The following LYPLAL1 variants were observed in gnomAD, a reference collection of about 807,000 sequenced individuals.
LYPLAL1 encodes the protein lysophospholipase like 1.
In LYPLAL1, 23 loss-of-function variants were observed where a neutral mutation model predicts 19.7. The ratio of observed to expected loss-of-function variants is 1.17; its 90% CI spans 0.84 to 1.65. LYPLAL1 has a LOEUF of 1.65. Ranked by LOEUF, LYPLAL1 falls within the 40% of genes most tolerant of loss-of-function variation. The probability of loss-of-function intolerance (pLI) is 0.00; values close to 1 mark genes in which losing one functional copy is unlikely to be tolerated. For synonymous variants in LYPLAL1, 119 were observed against 96.3 expected (o/e 1.24, Z -1.38); for missense variants, 355 against 279.4 (o/e 1.27, Z -1.93).
chr1:219,367,243 A>G, the LYPLAL1 span, among the ~76,000 whole-genome samples: 133 of 152,300 alleles, frequency 8.7e-4, 1 homozygote, highest in African/African-American at 3.0e-3. Flanking sequence ...TATATTTAAT[A>G]GTAGTTCTTA....
the LYPLAL1 span, among the ~76,000 whole-genome samples, chr1:219,358,470 C>A: frequency 6.6e-6 from 1 of 151,994 alleles, no homozygotes; most frequent in African/African-American, 2.4e-5. Flanking sequence ...AAGAACTGCC[C>A]GAGACTGGGT....
chr1:219,179,142 A>T lies in LYPLAL1; in HGVS notation c.92-5A>T, dbSNP rs1279759950. 1.3e-6 allele frequency: 2 copies of T among 1,591,586 alleles called. No homozygotes were observed. Among genetic ancestry groups the T allele is most frequent in the African/African-American group, 1.4e-5 (1 of 73,584 alleles). ...TATTTTAATCTAGATTTTTTGATTC[A>T]TCAGGTGATTCTGGACAAGGATTAA... On this transcript the variant is annotated splice_region_variant and splice_polypyrimidine_tract_variant and intron_variant, in intron 1 of 4. Coordinates refer to ENST00000366928, the MANE Select transcript of LYPLAL1 (RefSeq NM_138794.5).
At chr1:219,371,556 A>G in the LYPLAL1 span, among the ~76,000 whole-genome samples, 1 of 152,230 alleles carries the variant, frequency 6.6e-6, no homozygotes, top group South Asian at 2.1e-4. Flanking sequence ...ACATATCTTA[A>G]GTTTGGCCAA....
At chr1:219,180,058 G>A (rs927323082) in intron 2 of LYPLAL1, among the ~76,000 whole-genome samples, 1 of 151,984 alleles carries the variant, frequency 6.6e-6, no homozygotes, top group African/African-American at 2.4e-5. Context: ...GTGCAGTGGT[G>A]CAGTCTTGGC....
At chr1:219,334,914 G>C in the LYPLAL1 span, among the ~76,000 whole-genome samples, 1 of 151,846 alleles carries the variant, frequency 6.6e-6, no homozygotes, top group Non-Finnish European at 1.5e-5. Context: ...ATGAAAAGGA[G>C]AATTTGTATA....
the LYPLAL1 span, among the ~76,000 whole-genome samples, chr1:219,309,838 A>T: frequency 6.6e-6 from 1 of 152,154 alleles, no homozygotes; most frequent in African/African-American, 2.4e-5. Context: ...AAGACACAGG[A>T]CTTATATCTT....
the LYPLAL1 span, among the ~76,000 whole-genome samples, chr1:219,362,485 G>A: frequency 6.6e-6 from 1 of 152,080 alleles, no homozygotes; most frequent in Non-Finnish European, 1.5e-5. Context: ...CGATTTCCAA[G>A]GTGCAGACAG....
the LYPLAL1 span, chr1:219,272,816 A>G: frequency 2.0e-5 from 3 of 152,052 alleles, no homozygotes; most frequent in African/African-American, 7.2e-5. Context: ...ATGCAGCAGT[A>G]ATAGAAACCC....
chr1:219,257,203 G>A, the LYPLAL1 span, among the ~76,000 whole-genome samples: 1 of 151,706 alleles, frequency 6.6e-6, no homozygotes, highest in South Asian at 2.1e-4. Flanking sequence ...TTGAAGTTTG[G>A]TTTCACACAC....
At chr1:219,174,133 G>C in intron 1 of LYPLAL1, 152 bp downstream of exon 1, 1 of 1,454,640 alleles carries the variant, frequency 6.9e-7, no homozygotes, top group Non-Finnish European at 9.1e-7. Flanking sequence ...AGATGCACGG[G>C]CAGCGCCACC....
At chr1:219,301,056 T>TA in the LYPLAL1 span, among the ~76,000 whole-genome samples, 42,980 of 144,632 alleles carry the variant, frequency 0.3, 6,549 homozygotes, top group East Asian at 0.6. Flanking sequence ...ACTCCACCTC[T>TA]AAAAAAAAAA....
chr1:219,193,680 T>C (rs1657380486), intron 3 of LYPLAL1, among the ~76,000 whole-genome samples: 1 of 151,912 alleles, frequency 6.6e-6, no homozygotes, highest in South Asian at 2.1e-4. Context: ...AGAATATTTG[T>C]AAATTTTTGT....
chr1:219,440,335 A>G, the LYPLAL1 span, among the ~76,000 whole-genome samples: 1 of 152,112 alleles, frequency 6.6e-6, no homozygotes, highest in Admixed American at 6.6e-5. Flanking sequence ...AACATGTCTA[A>G]AAACAAAGGT....
At chr1:219,263,509 C>T in the LYPLAL1 span, among the ~76,000 whole-genome samples, 1 of 152,110 alleles carries the variant, frequency 6.6e-6, no homozygotes, top group Non-Finnish European at 1.5e-5. Flanking sequence ...GTATCTCTAG[C>T]AATTCCTGTT....
chr1:219,378,181 C>T, the LYPLAL1 span, among the ~76,000 whole-genome samples: 5 of 152,112 alleles, frequency 3.3e-5, no homozygotes, highest in Admixed American at 6.6e-5. Context: ...TCTGTTCTCA[C>T]GCTGCTCATA....
At chr1:219,335,440 A>G in the LYPLAL1 span, among the ~76,000 whole-genome samples, 5 of 151,932 alleles carry the variant, frequency 3.3e-5, no homozygotes, top group Non-Finnish European at 7.4e-5. Context: ...ATCTTCACAT[A>G]CACATAAGCT....
At chr1:219,282,435 TAAGAC>T in the LYPLAL1 span, among the ~76,000 whole-genome samples, 1 of 149,864 alleles carries the variant, frequency 6.7e-6, no homozygotes, top group African/African-American at 2.5e-5. Flanking sequence ...ATAAGTAATT[TAAGAC>T]ATTTTCAGAC....
the LYPLAL1 span, among the ~76,000 whole-genome samples, chr1:219,365,476 A>C: frequency 6.6e-6 from 1 of 152,154 alleles, no homozygotes. Context: ...CTTCAAACAA[A>C]AGGAAAAGGA....
At chr1:219,236,210 T>A in the LYPLAL1 span, among the ~76,000 whole-genome samples, 1 of 152,214 alleles carries the variant, frequency 6.6e-6, no homozygotes, top group African/African-American at 2.4e-5. Flanking sequence ...GCTCTTACTA[T>A]CTAGGAGTGT....
Sources: gnomAD v4.1 joint callset for allele counts (sites outside exome capture counted in the v4.1 genomes callset) on GRCh38, gnomAD v4.1.1 for gene constraint, MANE v1.5 for transcripts, NCBI Gene and HGNC (gene_info 2026-07-23, HGNC 2026-07-21) for gene names.